The following CSMD1 variants were observed in gnomAD, a reference collection of about 807,000 sequenced individuals.
CSMD1 encodes CUB and Sushi multiple domains 1, also known as CUB and sushi domain-containing protein 1.
A neutral mutation model predicts 417.5 loss-of-function variants in CSMD1; 213 were observed. The ratio of observed to expected loss-of-function variants is 0.51; its 90% CI spans 0.46 to 0.57. The LOEUF is 0.57. Among genes scored for constraint, CSMD1 ranks in the 20% least tolerant of loss-of-function variants. CSMD1 has a pLI of 0.00. For missense variants in CSMD1, 6,923 were observed against 4,529.7 expected (o/e 1.53, Z -15.17); for synonymous variants, 2,862 against 1,736.8 (o/e 1.65, Z -16.11).
intron 3 of CSMD1, among the ~76,000 whole-genome samples, chr8:4,307,862 A>G (rs1162456674): frequency 6.6e-6 from 1 of 152,174 alleles, no homozygotes; most frequent in African/African-American, 2.4e-5. Context: ...AGAAATCTTC[A>G]CTGAGCAAGA....
At chr8:3,939,856 T>G (rs945941439) in intron 5 of CSMD1, among the ~76,000 whole-genome samples, 1 of 151,988 alleles carries the variant, frequency 6.6e-6, no homozygotes, top group African/African-American at 2.4e-5. Flanking sequence ...ACATTGGGTA[T>G]TGGGAGAAGG....
At chr8:4,466,836 A>T (rs1454223503) in intron 2 of CSMD1, among the ~76,000 whole-genome samples, 1 of 152,148 alleles carries the variant, frequency 6.6e-6, no homozygotes, top group South Asian at 2.1e-4. Context: ...TTCAGAGAGC[A>T]GGGGAAACAT....
chr8:4,185,422 G>T (rs11136709), intron 3 of CSMD1, among the ~76,000 whole-genome samples: 25,775 of 151,982 alleles, frequency 0.17, 2,372 homozygotes, highest in East Asian at 0.28. Context: ...AAACATACAC[G>T]TGTGAGCTTG....
chr8:3,087,831 C>A (rs1383673108), intron 48 of CSMD1, among the ~76,000 whole-genome samples: 2 of 152,222 alleles, frequency 1.3e-5, no homozygotes, highest in East Asian at 1.9e-4. Flanking sequence ...ATAAGCACAT[C>A]TGTCACCAGG....
At chr8:4,949,892 A>G (rs1023819094) in intron 1 of CSMD1, among the ~76,000 whole-genome samples, 5 of 149,124 alleles carry the variant, frequency 3.4e-5, no homozygotes, top group Non-Finnish European at 7.4e-5. Context: ...CAAAAACTCC[A>G]ATTACTTTTG....
At chr8:3,912,473 G>A (rs1323262008) in intron 5 of CSMD1, among the ~76,000 whole-genome samples, 7 of 152,096 alleles carry the variant, frequency 4.6e-5, no homozygotes, top group Admixed American at 1.3e-4. Flanking sequence ...GAGAGGCTGC[G>A]TGCTCCTAGA....
At chr8:3,400,536 T>G (rs924559307) in intron 15 of CSMD1, among the ~76,000 whole-genome samples, 1 of 151,942 alleles carries the variant, frequency 6.6e-6, no homozygotes, top group African/African-American at 2.4e-5. Flanking sequence ...AGGAAACAAA[T>G]ACAGAAAAAA....
intron 60 of CSMD1, 129 bp from the exon 61 acceptor site, chr8:2,962,768 G>A: frequency 1.0e-6 from 1 of 976,462 alleles, no homozygotes; most frequent in Non-Finnish European, 1.5e-6. Flanking sequence ...CTAAAAGGAG[G>A]CCAGGCACGG....
At chr8:3,910,367 G>A (rs1393028323) in intron 5 of CSMD1, among the ~76,000 whole-genome samples, 3 of 152,154 alleles carry the variant, frequency 2.0e-5, no homozygotes, top group Admixed American at 2.0e-4. Context: ...CGAGGCCACA[G>A]AATGCACCAG....
chr8:4,645,430 G>A (rs1803456718), intron 1 of CSMD1, among the ~76,000 whole-genome samples: 1 of 123,566 alleles, frequency 8.1e-6, no homozygotes, highest in Non-Finnish European at 1.6e-5. Context: ...AAGACAGCAG[G>A]TGTAGTGCAG....
intron 1 of CSMD1, among the ~76,000 whole-genome samples, chr8:4,671,412 G>A (rs1192164251): frequency 6.6e-6 from 1 of 152,112 alleles, no homozygotes; most frequent in Non-Finnish European, 1.5e-5. Context: ...AACTCTTCAT[G>A]AGGAGAAAAA....
chr8:4,165,817 C>G lies in CSMD1; in HGVS notation c.416-133718G>C, dbSNP rs113911780. Reference sequence around the variant, plus strand: ...CTCCAGCCGCATTATGTCACTCTTACTAGGTTGTTGCAAAACTAATTGCGT... The same window carrying G: ...CTCCAGCCGCATTATGTCACTCTTAGTAGGTTGTTGCAAAACTAATTGCGT... On this transcript the variant is annotated intron_variant, in intron 3 of 69. Coordinates refer to ENST00000635120, the MANE Select transcript of CSMD1 (RefSeq NM_033225.6). Among the ~76,000 whole-genome samples, 1,407 of 152,336 alleles carry G rather than the reference C, an allele frequency of 9.2e-3. 27 individuals carry two copies. The highest frequency in any genetic ancestry group is 0.032 in the African/African-American group (1,316 of 41,576).
chr8:3,917,674 C>T (rs981339258), intron 5 of CSMD1, among the ~76,000 whole-genome samples: 3 of 152,006 alleles, frequency 2.0e-5, no homozygotes, highest in Admixed American at 6.6e-5. Context: ...AAGTTGTACA[C>T]ATGTAATGCC....
chr8:4,272,693 G>A (rs1013721171), intron 3 of CSMD1, among the ~76,000 whole-genome samples: 3 of 152,062 alleles, frequency 2.0e-5, no homozygotes, highest in Non-Finnish European at 2.9e-5. Context: ...AATATATTTG[G>A]AAGACTGTAC....
At chr8:3,359,019 G>A (rs1808980687) in intron 21 of CSMD1, 133 bp downstream of exon 21, 2 of 752,260 alleles carry the variant, frequency 2.7e-6, no homozygotes, top group African/African-American at 1.7e-5. Flanking sequence ...CTGGTTGGCA[G>A]AGTGGAGCCC....
chr8:4,839,803 T>C (rs536093681), intron 1 of CSMD1, among the ~76,000 whole-genome samples: 81 of 152,306 alleles, frequency 5.3e-4, no homozygotes, highest in African/African-American at 1.9e-3. Context: ...ACCTTTTGAA[T>C]TAAATATCGT....
chr8:3,909,792 A>G (rs1158376327), intron 5 of CSMD1, among the ~76,000 whole-genome samples: 1 of 152,188 alleles, frequency 6.6e-6, no homozygotes, highest in Non-Finnish European at 1.5e-5. Flanking sequence ...AAAAGTGTTT[A>G]ATAATTCTCA....
rs535800984 is a variant in CSMD1, at chr8:3,930,262, T to C, written c.818+67641A>G. The stretch of plus-strand genomic sequence containing the variant: ...TTCAAAGACTTTCCTCCCCATCTAA[T>C]TAGGAATAAATAGTAACTTCTCTTA... On this transcript the variant is annotated intron_variant, in intron 5 of 69. Coordinates refer to ENST00000635120, the MANE Select transcript of CSMD1 (RefSeq NM_033225.6). Among the ~76,000 whole-genome samples the C allele has an allele frequency of 2.4e-4, 36 of 150,558 alleles. 2 individuals carry two copies. Among genetic ancestry groups the C allele is most frequent in the African/African-American group, 8.8e-4 (36 of 40,912 alleles).
chr8:3,927,483 G>T (rs1326375215), intron 5 of CSMD1, among the ~76,000 whole-genome samples: 4 of 151,926 alleles, frequency 2.6e-5, no homozygotes, highest in African/African-American at 4.8e-5. Context: ...TGGCCAACAT[G>T]GTGAGACCCC....
Sources: gnomAD v4.1 joint callset for allele counts (sites outside exome capture counted in the v4.1 genomes callset) on GRCh38, gnomAD v4.1.1 for gene constraint, MANE v1.5 for transcripts, NCBI Gene and HGNC (gene_info 2026-07-23, HGNC 2026-07-21) for gene names.